Variants in SPAG16 observed in about 807,000 individuals in gnomAD.
SPAG16 encodes the protein sperm associated antigen 16, also known as sperm-associated antigen 16 protein.
Under a neutral mutation model 80.4 loss-of-function variants are expected in SPAG16, and 86 were observed. The ratio of observed to expected loss-of-function variants is 1.07; its 90% CI spans 0.90 to 1.28. The LOEUF is 1.28. SPAG16 is among the 50% of genes most tolerant of loss of function. SPAG16 has a pLI of 0.00. For missense variants in SPAG16, 870 were observed against 765.3 expected, an observed-to-expected ratio of 1.14 and a Z score of -1.61; for synonymous variants, 294 against 265.9, an observed-to-expected ratio of 1.11 and a Z score of -1.03.
intron 15 of SPAG16, among the ~76,000 whole-genome samples, chr2:214,349,364 T>C (rs1265511191): frequency 6.6e-6 from 1 of 152,240 alleles, no homozygotes; most frequent in Non-Finnish European, 1.5e-5. Flanking sequence ...TGTAATCTTT[T>C]GTGTAAGTCT....
intron 15 of SPAG16, among the ~76,000 whole-genome samples, chr2:214,216,468 C>T (rs1413145641): frequency 6.6e-6 from 1 of 152,112 alleles, no homozygotes; most frequent in African/African-American, 2.4e-5. Flanking sequence ...ATTACAGGCA[C>T]ATGCCACCAC....
chr2:213,574,777 AG>A (rs1012046700), intron 10 of SPAG16, among the ~76,000 whole-genome samples: 6 of 151,078 alleles, frequency 4.0e-5, no homozygotes, highest in Admixed American at 1.3e-4. Flanking sequence ...ATTGTGAACT[AG>A]GGGATAAGGT....
intron 12 of SPAG16, among the ~76,000 whole-genome samples, chr2:214,001,871 G>A (rs551635815): frequency 1.1e-3 from 173 of 152,152 alleles, no homozygotes; most frequent in African/African-American, 2.4e-3. Context: ...GTATTAGTCC[G>A]TTTTCATGCT....
intron 13 of SPAG16, among the ~76,000 whole-genome samples, chr2:214,100,706 GCA>G (rs2052954304): frequency 6.6e-6 from 1 of 152,074 alleles, no homozygotes; most frequent in African/African-American, 2.4e-5. Flanking sequence ...CCATGGTCCT[GCA>G]AAGGACATGA....
chr2:214,232,409 T>C (rs1390908549), intron 15 of SPAG16, among the ~76,000 whole-genome samples: 1 of 152,008 alleles, frequency 6.6e-6, no homozygotes, highest in Non-Finnish European at 1.5e-5. Context: ...AACTGCAACA[T>C]TCGTGGTGAA....
At position 213,684,374 on chromosome 2, in the gene SPAG16, G is replaced by A. The variant is rs115339776; in HGVS notation, c.1071-178111G>A. On this transcript the variant is annotated intron_variant, in intron 10 of 15. Transcript: ENST00000331683. ...GAAGGTTTTAGTTAAAATTAGATCAGAGCATACACATAGCTAAAACTGACT... is the reference window on the plus strand; with the variant it reads ...GAAGGTTTTAGTTAAAATTAGATCAAAGCATACACATAGCTAAAACTGACT... Among the ~76,000 whole-genome samples, 1,296 of 152,298 alleles carry A rather than the reference G, an allele frequency of 8.5e-3. 24 individuals are homozygous for A. Among genetic ancestry groups the A allele is most frequent in the African/African-American group, 0.03 (1,238 of 41,560 alleles).
At chr2:213,846,099 C>G (rs2125769878) in intron 10 of SPAG16, among the ~76,000 whole-genome samples, 2 of 152,234 alleles carry the variant, frequency 1.3e-5, no homozygotes, top group South Asian at 4.1e-4. Context: ...ATTTTTATAA[C>G]TTAAAACATA....
intron 10 of SPAG16, among the ~76,000 whole-genome samples, chr2:213,702,299 G>A (rs11684965): frequency 0.27 from 40,492 of 152,184 alleles, 6,378 homozygotes; most frequent in Middle Eastern, 0.42. Flanking sequence ...GGCTGCCCGA[G>A]CCAGCTGCGG....
At chr2:213,648,453 A>G (rs865995355) in intron 10 of SPAG16, among the ~76,000 whole-genome samples, 4 of 152,246 alleles carry the variant, frequency 2.6e-5, no homozygotes, top group Admixed American at 1.3e-4. Context: ...TGATTAAGCT[A>G]TAGACCACCT....
chr2:213,937,289 C>T (rs1255201341), intron 12 of SPAG16, among the ~76,000 whole-genome samples: 1 of 152,024 alleles, frequency 6.6e-6, no homozygotes, highest in Non-Finnish European at 1.5e-5. Flanking sequence ...TATTAAGACT[C>T]AAGGGCATGG....
At chr2:214,006,920 A>G (rs2047050175) in intron 12 of SPAG16, among the ~76,000 whole-genome samples, 1 of 152,170 alleles carries the variant, frequency 6.6e-6, no homozygotes, top group South Asian at 2.1e-4. Context: ...GTGAGCTGTA[A>G]TATATCATTG....
intron 15 of SPAG16, among the ~76,000 whole-genome samples, chr2:214,295,350 C>T (rs1295416234): frequency 6.6e-6 from 1 of 152,200 alleles, no homozygotes; most frequent in Non-Finnish European, 1.5e-5. Flanking sequence ...TAAACTTACT[C>T]CACACTCTAA....
In SPAG16 at chr2:213,638,469, T is replaced by C. The variant is rs75338820; in HGVS notation, c.1070+148379T>C. 3.8e-3 allele frequency among the ~76,000 whole-genome samples: 574 copies of C among 152,302 alleles called. 2 individuals are homozygous for C. Among genetic ancestry groups the C allele is most frequent in the Middle Eastern group, 0.01 (3 of 294 alleles). ...GGTTGTATCATTCAGTTCAAATCAA[T>C]TTTTAATTTCCATCTTGATTTCATT... On this transcript the variant is annotated intron_variant, in intron 10 of 15. Transcript: ENST00000331683.
At chr2:213,299,325 C>T (rs1438727173) in intron 3 of SPAG16, among the ~76,000 whole-genome samples, 18 of 146,186 alleles carry the variant, frequency 1.2e-4, no homozygotes, top group Non-Finnish European at 1.9e-4. Context: ...TTTTTTGAGA[C>T]GGAGTCTCAC....
chr2:213,945,933 CTTTG>C (rs1303211741), intron 12 of SPAG16, among the ~76,000 whole-genome samples: 1 of 152,128 alleles, frequency 6.6e-6, no homozygotes, highest in Non-Finnish European at 1.5e-5. Flanking sequence ...CTTTTTAGCC[CTTTG>C]TTTCTCTTAT....
chr2:214,395,705 G>T (rs570925506), intron 15 of SPAG16, among the ~76,000 whole-genome samples: 1 of 151,756 alleles, frequency 6.6e-6, no homozygotes, highest in African/African-American at 2.4e-5. Flanking sequence ...AGTAGGCCCT[G>T]GTGTCTATTT....
chr2:214,244,423 A>G (rs751603326), intron 15 of SPAG16, among the ~76,000 whole-genome samples: 1 of 151,594 alleles, frequency 6.6e-6, no homozygotes, highest in South Asian at 2.1e-4. Flanking sequence ...TAAAATGACT[A>G]TGCACATGAT....
At chr2:213,665,541 T>C (rs369272863) in intron 10 of SPAG16, among the ~76,000 whole-genome samples, 14 of 152,260 alleles carry the variant, frequency 9.2e-5, no homozygotes, top group African/African-American at 3.4e-4. Flanking sequence ...GTTCAGATGG[T>C]AGAGTTTCAT....
chr2:214,332,649 G>C (rs2126014559), intron 15 of SPAG16, among the ~76,000 whole-genome samples: 1 of 152,148 alleles, frequency 6.6e-6, no homozygotes, highest in East Asian at 1.9e-4. Flanking sequence ...ACACCATAAT[G>C]AATCAATATC....
Sources: gnomAD v4.1 joint callset for allele counts (sites outside exome capture counted in the v4.1 genomes callset) on GRCh38, gnomAD v4.1.1 for gene constraint, MANE v1.5 for transcripts, NCBI Gene and HGNC (gene_info 2026-07-23, HGNC 2026-07-21) for gene names.